The following IPO11 variants were observed in gnomAD, a reference collection of about 807,000 sequenced individuals.
IPO11 encodes the protein importin 11, also known as importin-11.
A neutral mutation model predicts 143.2 loss-of-function variants in IPO11; 66 were observed. The observed-to-expected ratio is 0.46, with a 90% confidence interval of 0.38 to 0.57. IPO11 has a LOEUF of 0.57. Among genes scored for constraint, IPO11 ranks in the 20% least tolerant of loss-of-function variants. The pLI, the probability that IPO11 is intolerant of heterozygous loss-of-function variation, is 0.00. For missense variants in IPO11, 1,026 were observed against 1,141.0 expected (o/e 0.90, Z 1.45); for synonymous variants, 385 against 377.8 (o/e 1.02, Z -0.22).
At chr5:62,564,999 T>C (rs140514306) in intron 27 of IPO11, among the ~76,000 whole-genome samples, 20 of 152,312 alleles carry the variant, frequency 1.3e-4, no homozygotes, top group Non-Finnish European at 2.4e-4. Flanking sequence ...TTGTCAGGAT[T>C]AAGATTGAGT....
intron 1 of IPO11, among the ~76,000 whole-genome samples, chr5:62,430,327 CTCATTA>C (rs1283058461): frequency 6.6e-6 from 1 of 152,114 alleles, no homozygotes; most frequent in Non-Finnish European, 1.5e-5. Context: ...TTACTGATGC[CTCATTA>C]TCTTCTTTTA....
At chr5:62,484,291 A>G in intron 11 of IPO11, 129 bp downstream of exon 11, 1 of 717,024 alleles carries the variant, frequency 1.4e-6, no homozygotes, top group South Asian at 3.0e-5. Context: ...TTTTAAAATT[A>G]ACTTACTCTT....
At chr5:62,444,562 A>G (rs934198694) in intron 3 of IPO11, among the ~76,000 whole-genome samples, 4 of 151,998 alleles carry the variant, frequency 2.6e-5, no homozygotes, top group Admixed American at 2.6e-4. Context: ...TTTAGTGGTT[A>G]TATAAAGGAT....
chr5:62,581,110 G>A (rs1744541385), intron 27 of IPO11: 1 of 1,549,126 alleles, frequency 6.5e-7, no homozygotes. Context: ...AAAACTAAAG[G>A]CATCAGAAAA....
chr5:62,444,073 G>C (rs536385951), intron 3 of IPO11, among the ~76,000 whole-genome samples: 1 of 151,776 alleles, frequency 6.6e-6, no homozygotes, highest in Non-Finnish European at 1.5e-5. Flanking sequence ...ACTATATTAC[G>C]GTTTAAAGCA....
intron 27 of IPO11, among the ~76,000 whole-genome samples, chr5:62,572,593 G>A (rs144393229): frequency 6.1e-4 from 77 of 125,914 alleles, no homozygotes; most frequent in African/African-American, 2.2e-3. Flanking sequence ...TTATTTTTGA[G>A]GCTTTGAGGC....
At chr5:62,615,910 A>T (rs572776003) in intron 29 of IPO11, among the ~76,000 whole-genome samples, 1 of 152,312 alleles carries the variant, frequency 6.6e-6, no homozygotes, top group Non-Finnish European at 1.5e-5. Flanking sequence ...GTTTGATTAC[A>T]TGGCATCTAG....
intron 29 of IPO11, among the ~76,000 whole-genome samples, chr5:62,614,681 A>G (rs1337423817): frequency 5.3e-5 from 8 of 151,986 alleles, no homozygotes; most frequent in Admixed American, 3.9e-4. Context: ...CAGAGGTGGT[A>G]GCCTGCAACT....
intron 20 of IPO11, among the ~76,000 whole-genome samples, chr5:62,519,102 G>A (rs968342065): frequency 1.3e-5 from 2 of 151,848 alleles, no homozygotes; most frequent in African/African-American, 4.9e-5. Context: ...TTTTGGTGTT[G>A]TTAAATAGTG....
At chr5:62,603,004 A>G (rs1490691305) in intron 29 of IPO11, among the ~76,000 whole-genome samples, 1 of 152,126 alleles carries the variant, frequency 6.6e-6, no homozygotes, top group Non-Finnish European at 1.5e-5. Context: ...CCCCAAAACA[A>G]TGTTTGTACA....
intron 22 of IPO11, among the ~76,000 whole-genome samples, chr5:62,536,093 CATAAT>C (rs1742724114): frequency 1.3e-5 from 2 of 152,100 alleles, no homozygotes; most frequent in African/African-American, 2.4e-5. Flanking sequence ...AATATCTAAA[CATAAT>C]ATAATTTTTT....
intron 29 of IPO11, among the ~76,000 whole-genome samples, chr5:62,609,058 A>G (rs1745836324): frequency 6.6e-6 from 1 of 152,192 alleles, no homozygotes; most frequent in Non-Finnish European, 1.5e-5. Flanking sequence ...GTTGCAGCTA[A>G]TGTGTGTTGT....
At chr5:62,461,075 CTT>C (rs1745342798) in intron 5 of IPO11, among the ~76,000 whole-genome samples, 1 of 152,104 alleles carries the variant, frequency 6.6e-6, no homozygotes, top group Admixed American at 6.6e-5. Flanking sequence ...TAAAGAAAAA[CTT>C]TTCAAACACT....
intron 1 of IPO11, among the ~76,000 whole-genome samples, chr5:62,432,329 C>T (rs1445971223): frequency 6.6e-6 from 1 of 152,074 alleles, no homozygotes; most frequent in African/African-American, 2.4e-5. Flanking sequence ...AGAAGAGAGC[C>T]CTAGACCTCT....
In IPO11 at chr5:62,590,627, T is replaced by C. The variant is rs1312027910; in HGVS notation, c.2583-950T>C. Among the ~76,000 whole-genome samples, 6 of 152,318 alleles carry C rather than the reference T, an allele frequency of 3.9e-5. No homozygotes were observed. The East Asian group carries it at 1.2e-3, about 29-fold the overall frequency. ...TTAAAAAGTGTTGCATCATTAATTT[T>C]AGCTTAGATAACTATTTTGAAAAGT... On this transcript the variant is annotated intron_variant, in intron 27 of 29. Coordinates refer to ENST00000325324, the MANE Select transcript of IPO11 (RefSeq NM_016338.5).
At chr5:62,589,700 AG>A (rs1744940809) in intron 27 of IPO11, among the ~76,000 whole-genome samples, 1 of 152,088 alleles carries the variant, frequency 6.6e-6, no homozygotes. Flanking sequence ...ATGATGCTGA[AG>A]GGCCCCCTAG....
chr5:62,499,024 A>G (rs1741250894), intron 16 of IPO11, among the ~76,000 whole-genome samples: 1 of 152,206 alleles, frequency 6.6e-6, no homozygotes, highest in African/African-American at 2.4e-5. Flanking sequence ...GAAAGCGTGT[A>G]GTTTGAGGGT....
At chr5:62,595,244 A>G (rs1312387641) in intron 28 of IPO11, among the ~76,000 whole-genome samples, 1 of 152,228 alleles carries the variant, frequency 6.6e-6, no homozygotes, top group Non-Finnish European at 1.5e-5. Context: ...AAAACCATTT[A>G]GGTAGCTGTT....
chr5:62,460,564 A>T (rs568766788), intron 5 of IPO11, among the ~76,000 whole-genome samples: 1 of 152,346 alleles, frequency 6.6e-6, no homozygotes, highest in South Asian at 2.1e-4. Context: ...TCTGAGGCTA[A>T]AAAAGTTTAA....
Sources: gnomAD v4.1 joint callset for allele counts (sites outside exome capture counted in the v4.1 genomes callset) on GRCh38, gnomAD v4.1.1 for gene constraint, MANE v1.5 for transcripts, NCBI Gene and HGNC (gene_info 2026-07-23, HGNC 2026-07-21) for gene names.